NUMB: variants seen among roughly 807,000 people sequenced by gnomAD.
NUMB encodes the protein protein numb homolog.
A neutral mutation model predicts 59.7 loss-of-function variants in NUMB; 29 were observed. The ratio of observed to expected loss-of-function variants is 0.49; its 90% CI spans 0.36 to 0.66. NUMB has a LOEUF of 0.66. Among genes scored for constraint, NUMB ranks in the 30% least tolerant of loss-of-function variants. NUMB has a pLI of 0.00. For missense variants in NUMB, 723 were observed against 822.0 expected (o/e 0.88, Z 1.47); for synonymous variants, 288 against 288.2 (o/e 1.00, Z 0.01).
At position 73,335,980 on chromosome 14, in the gene NUMB, C is replaced by T. The variant is rs541462091; in HGVS notation, c.127-12776G>A. Among the ~76,000 whole-genome samples the T allele has an allele frequency of 7.2e-5, 11 of 152,248 alleles. No individual in the cohort carries two copies. The East Asian group carries it at 2.1e-3, about 29-fold the overall frequency. ...TAACTATAAATTTGGACTACAATTC[C>T]ATCTGAATAGACTGTATGACCTAAG... On this transcript the variant is annotated intron_variant, in intron 4 of 12. Coordinates refer to ENST00000555238, the MANE Select transcript of NUMB (RefSeq NM_001005743.2).
At chr14:73,311,736 CA>C in intron 6 of NUMB, among the ~76,000 whole-genome samples, 1 of 152,126 alleles carries the variant, frequency 6.6e-6, no homozygotes, top group East Asian at 1.9e-4. Flanking sequence ...CAAAGAATAA[CA>C]AAGTATCAAA....
At chr14:73,398,413 AGAGT>A (rs1255070488) in intron 2 of NUMB, among the ~76,000 whole-genome samples, 466 of 117,710 alleles carry the variant, frequency 4.0e-3, no homozygotes, top group East Asian at 0.015. Context: ...AGAGAGAGAG[AGAGT>A]GTGTGTGTGT....
intron 2 of NUMB, among the ~76,000 whole-genome samples, chr14:73,384,780 G>A (rs559484128): frequency 6.6e-6 from 1 of 151,654 alleles, no homozygotes; most frequent in South Asian, 2.1e-4. Flanking sequence ...GTCTTGCCAT[G>A]TTGCCTAGGC....
intron 1 of NUMB, among the ~76,000 whole-genome samples, chr14:73,428,749 CTG>C (rs1897693979): frequency 6.6e-6 from 1 of 152,162 alleles, no homozygotes; most frequent in Non-Finnish European, 1.5e-5. Flanking sequence ...GAGTTCAAGG[CTG>C]CAGTGAGCTA....
chr14:73,276,923 G>A lies in NUMB; in HGVS notation c.1611C>T (p.Asn537=), dbSNP rs748146173. ...VGITPSQMVA[N]VFGTAGHPQA... ...GAGGGTGGCCTGCAGTGCCAAATAC[G>A]TTGGCCACCATCTGGGAGGGAGTGA... Residue 537 remains asparagine, a synonymous_variant, in exon 13 of 13, where the codon AAC becomes AAT. Coordinates refer to ENST00000555238, the MANE Select transcript of NUMB (RefSeq NM_001005743.2). 87 of 1,614,038 alleles carry A rather than the reference G, an allele frequency of 5.4e-5. No individual in the cohort carries two copies. Among genetic ancestry groups the A allele is most frequent in the Middle Eastern group, 4.9e-4 (3 of 6,084 alleles).
intron 1 of NUMB, among the ~76,000 whole-genome samples, chr14:73,432,024 C>T (rs1184624579): frequency 2.6e-5 from 4 of 151,728 alleles, no homozygotes; most frequent in African/African-American, 9.7e-5. Context: ...AAAGTCCAGG[C>T]ATAATTTTAC....
chr14:73,323,166 C>A lies in NUMB; in HGVS notation c.165G>T (p.Met55Ile). The change falls in exon 5 of 13, where the codon ATG (methionine) becomes ATT (isoleucine). Residue 55 changes from methionine (M) to isoleucine (I), a missense_variant. This residue lies in a region of NUMB where 317 missense variants were observed against 436.6 expected (regional missense o/e 0.73). Coordinates refer to ENST00000555238, the MANE Select transcript of NUMB (RefSeq NM_001005743.2). ...TTTTTACAGCATCTTCACAGATGTGCATTCCTCTTGATTCATCAACTTCTA... is the reference window on the plus strand; with the variant it reads ...TTTTTACAGCATCTTCACAGATGTGAATTCCTCTTGATTCATCAACTTCTA... ...GHVEVDESRG[M>I]HICEDAVKRL... The A allele has an allele frequency of 6.2e-7, 1 of 1,613,698 alleles. No individual in the cohort carries two copies. The highest frequency in any genetic ancestry group is 1.1e-5 in the South Asian group (1 of 91,058).
intron 1 of NUMB, among the ~76,000 whole-genome samples, chr14:73,416,017 T>C (rs1897114295): frequency 6.6e-6 from 1 of 152,246 alleles, no homozygotes; most frequent in Non-Finnish European, 1.5e-5. Context: ...CTAAAGGCTG[T>C]TGGTTCAAAG....
intron 2 of NUMB, among the ~76,000 whole-genome samples, chr14:73,374,106 G>A (rs1399180497): frequency 6.6e-6 from 1 of 152,090 alleles, no homozygotes; most frequent in Non-Finnish European, 1.5e-5. Context: ...CTGACCTTAG[G>A]TGATCCGCCC....
At chr14:73,456,201 C>G (rs966671463) in intron 1 of NUMB, among the ~76,000 whole-genome samples, 29 of 152,148 alleles carry the variant, frequency 1.9e-4, no homozygotes, top group African/African-American at 7.0e-4. Context: ...CCTCCACCTC[C>G]GGGGTTCAAG....
chr14:73,367,669 G>A (rs1390495415), intron 2 of NUMB, among the ~76,000 whole-genome samples: 10 of 151,554 alleles, frequency 6.6e-5, no homozygotes, highest in African/African-American at 1.9e-4. Context: ...CAACTACTCC[G>A]GAGGCTGAGA....
chr14:73,444,570 A>C (rs1327915864), intron 1 of NUMB, among the ~76,000 whole-genome samples: 1 of 152,158 alleles, frequency 6.6e-6, no homozygotes, highest in African/African-American at 2.4e-5. Flanking sequence ...TATTTGAAGA[A>C]TGAAACTATA....
chr14:73,437,327 A>G (rs1172199427), intron 1 of NUMB, among the ~76,000 whole-genome samples: 1 of 152,144 alleles, frequency 6.6e-6, no homozygotes, highest in African/African-American at 2.4e-5. Flanking sequence ...ATAAGCCATC[A>G]CGCCTGGCCT....
intron 4 of NUMB, among the ~76,000 whole-genome samples, chr14:73,331,643 C>A (rs1228975419): frequency 1.3e-5 from 2 of 152,184 alleles, no homozygotes; most frequent in Non-Finnish European, 2.9e-5. Flanking sequence ...AATCCCCATG[C>A]ATCAAGGGCA....
intron 7 of NUMB, among the ~76,000 whole-genome samples, chr14:73,296,883 C>T (rs935197843): frequency 2.6e-5 from 4 of 151,266 alleles, no homozygotes; most frequent in African/African-American, 9.7e-5. Flanking sequence ...ATTAGCCAGG[C>T]GAGGCCGGGC....
chr14:73,381,900 A>T (rs2140078768), intron 2 of NUMB, among the ~76,000 whole-genome samples: 1 of 152,350 alleles, frequency 6.6e-6, no homozygotes, highest in East Asian at 1.9e-4. Context: ...GAAAAATAAA[A>T]TGCAGAGTTA....
At chr14:73,403,191 C>G (rs1446846451) in intron 2 of NUMB, among the ~76,000 whole-genome samples, 1 of 152,194 alleles carries the variant, frequency 6.6e-6, no homozygotes, top group East Asian at 1.9e-4. Flanking sequence ...AAGGCTGGAC[C>G]TGCAGTAGCC....
intron 1 of NUMB, among the ~76,000 whole-genome samples, chr14:73,449,172 C>A (rs1006273731): frequency 1.3e-5 from 2 of 151,934 alleles, no homozygotes; most frequent in Non-Finnish European, 2.9e-5. Context: ...TTTGCACCAA[C>A]CTAATATTAA....
chr14:73,449,187 T>C, intron 1 of NUMB, among the ~76,000 whole-genome samples: 1 of 152,158 alleles, frequency 6.6e-6, no homozygotes, highest in East Asian at 1.9e-4. Flanking sequence ...TATTAAGTAT[T>C]ATAATTAATC....
Sources: allele counts gnomAD v4.1 joint callset (sites outside exome capture counted in the v4.1 genomes callset), GRCh38; gene constraint gnomAD v4.1.1; regional missense constraint gnomAD v4.1.1; transcripts MANE v1.5; gene names NCBI Gene and HGNC (gene_info 2026-07-23, HGNC 2026-07-21).